SCMH1: variants seen among roughly 807,000 people sequenced by gnomAD.
The protein encoded by SCMH1 is Scm polycomb group protein homolog 1.
A neutral mutation model predicts 70.8 loss-of-function variants in SCMH1; 37 were observed. The observed-to-expected ratio is 0.52, with a 90% CI of 0.40 to 0.69. The LOEUF (loss-of-function observed/expected upper bound fraction) is 0.69, where lower values mean the gene tolerates loss of function less well. SCMH1 is among the 30% of genes least tolerant of loss of function. SCMH1 has a pLI of 0.00. For synonymous variants in SCMH1, 292 were observed against 307.4 expected (o/e 0.95, Z 0.52); for missense variants, 607 against 827.3 (o/e 0.73, Z 3.27).
At chr1:41,094,615 C>A (rs1664571103) in intron 8 of SCMH1, among the ~76,000 whole-genome samples, 1 of 152,084 alleles carries the variant, frequency 6.6e-6, no homozygotes, top group Non-Finnish European at 1.5e-5. Context: ...AAGAGCCAGG[C>A]ATCATGGCTC....
Position 41,028,332 on chromosome 1 carries a change from G to A in SCMH1, c.1822-13C>T. 4 of 1,603,554 alleles carry A rather than the reference G, an allele frequency of 2.5e-6. 1 individual carries two copies. In the South Asian group the frequency reaches 3.3e-5, roughly 13 times the overall value. On this transcript the variant is annotated splice_polypyrimidine_tract_variant and intron_variant, in intron 14 of 14. Transcript: ENST00000337495. ...TGCCATCGATCTCCTGGGGGGTGGG[G>A]AGGTGGGCAGAAGTGGAAGGGAGGC...
chr1:41,085,546 G>T (rs899004109), intron 8 of SCMH1, among the ~76,000 whole-genome samples: 3 of 152,104 alleles, frequency 2.0e-5, no homozygotes, highest in African/African-American at 7.2e-5. Flanking sequence ...CAAATTAGAA[G>T]CCTAAGAATT....
chr1:41,045,504 C>T (rs1000864924), intron 12 of SCMH1, among the ~76,000 whole-genome samples: 1 of 152,112 alleles, frequency 6.6e-6, no homozygotes, highest in Non-Finnish European at 1.5e-5. Flanking sequence ...TCTGTTAAGA[C>T]TATGATGAAA....
At chr1:41,126,505 T>G (rs1482941278) in intron 6 of SCMH1, among the ~76,000 whole-genome samples, 1 of 152,204 alleles carries the variant, frequency 6.6e-6, no homozygotes, top group African/African-American at 2.4e-5. Flanking sequence ...ACATGCCTAA[T>G]GGGTGATCTT....
At chr1:41,080,296 A>G (rs1337847776) in intron 8 of SCMH1, among the ~76,000 whole-genome samples, 1 of 152,140 alleles carries the variant, frequency 6.6e-6, no homozygotes, top group East Asian at 1.9e-4. Context: ...ATTCTAGCAA[A>G]TATTTAAAGA....
intron 1 of SCMH1, among the ~76,000 whole-genome samples, chr1:41,205,008 A>G (rs1283329251): frequency 2.0e-5 from 3 of 152,250 alleles, no homozygotes; most frequent in Non-Finnish European, 2.9e-5. Flanking sequence ...ATTACAACCC[A>G]CAAATTGATT....
chr1:41,189,938 T>C (rs545572781), intron 1 of SCMH1, among the ~76,000 whole-genome samples: 2 of 152,350 alleles, frequency 1.3e-5, no homozygotes, highest in South Asian at 4.1e-4. Flanking sequence ...TTCTGGCTCA[T>C]GCTTCTTGAA....
chr1:41,027,230 G>C (rs1643929696), exon 15 of SCMH1: 1 of 152,260 alleles, frequency 6.6e-6, no homozygotes. Flanking sequence ...TTTATAAACA[G>C]ATTGACATAA....
At chr1:41,086,486 T>TAGTTCTA (rs373454648) in intron 8 of SCMH1, among the ~76,000 whole-genome samples, 3 of 152,202 alleles carry the variant, frequency 2.0e-5, no homozygotes, top group African/African-American at 7.2e-5. Flanking sequence ...ATCAAGTTGT[T>TAGTTCTA]AGTTCTAAGT....
chr1:41,176,644 C>T (rs564991491), intron 2 of SCMH1, among the ~76,000 whole-genome samples: 5 of 152,322 alleles, frequency 3.3e-5, no homozygotes, highest in Admixed American at 1.3e-4. Context: ...CACGGAGCCT[C>T]GCTCATTGCT....
intron 10 of SCMH1, among the ~76,000 whole-genome samples, chr1:41,059,530 A>C (rs1651807395): frequency 6.6e-6 from 1 of 152,028 alleles, no homozygotes. Flanking sequence ...CATCCATCCC[A>C]CTGAGAGCCA....
intron 1 of SCMH1, among the ~76,000 whole-genome samples, chr1:41,211,087 C>T (rs1360075143): frequency 1.3e-5 from 2 of 152,050 alleles, no homozygotes; most frequent in Admixed American, 6.6e-5. Flanking sequence ...GGATTACAGG[C>T]GTGAGCTACT....
intron 1 of SCMH1, among the ~76,000 whole-genome samples, chr1:41,206,051 A>T (rs1052564263): frequency 3.4e-5 from 5 of 147,368 alleles, no homozygotes; most frequent in African/African-American, 4.8e-5. Context: ...ACCAACATCA[A>T]AGACCAAAGT....
chr1:41,185,684 G>A (rs1650003930), intron 2 of SCMH1, among the ~76,000 whole-genome samples: 1 of 148,624 alleles, frequency 6.7e-6, no homozygotes, highest in Admixed American at 6.8e-5. Context: ...TGCCCAGGCT[G>A]GAGTGCAATG....
chr1:41,037,649 C>A, intron 12 of SCMH1, 108 bp from the exon 13 acceptor site: 1 of 959,526 alleles, frequency 1.0e-6, no homozygotes, highest in Non-Finnish European at 1.6e-6. Context: ...AAGCCCTGGG[C>A]AGGGACTCAG....
intron 12 of SCMH1, among the ~76,000 whole-genome samples, chr1:41,045,063 C>T (rs1256765087): frequency 2.6e-5 from 4 of 152,170 alleles, no homozygotes; most frequent in East Asian, 1.9e-4. Context: ...CTAACTTTCA[C>T]GTCTGAAATG....
chr1:41,201,960 A>C (rs1654457129), intron 1 of SCMH1, among the ~76,000 whole-genome samples: 1 of 152,226 alleles, frequency 6.6e-6, no homozygotes, highest in Non-Finnish European at 1.5e-5. Context: ...CAAGCACAGA[A>C]CTAGCAGGAA....
At chr1:41,170,110 C>G (rs1014393889) in intron 2 of SCMH1, among the ~76,000 whole-genome samples, 1 of 152,188 alleles carries the variant, frequency 6.6e-6, no homozygotes, top group Non-Finnish European at 1.5e-5. Flanking sequence ...TGTATTGCTC[C>G]TGGGGGATGA....
At chr1:41,086,697 G>A (rs1277955453) in intron 8 of SCMH1, among the ~76,000 whole-genome samples, 1 of 151,936 alleles carries the variant, frequency 6.6e-6, no homozygotes, top group Non-Finnish European at 1.5e-5. Context: ...TTGAGGCTAG[G>A]AATTCAAGAC....
Sources: gnomAD v4.1 joint callset for allele counts (sites outside exome capture counted in the v4.1 genomes callset) on GRCh38, gnomAD v4.1.1 for gene constraint, MANE v1.5 for transcripts, NCBI Gene and HGNC (gene_info 2026-07-23, HGNC 2026-07-21) for gene names.